IGSF11: variants seen among roughly 807,000 people sequenced by gnomAD.
IGSF11 encodes the protein immunoglobulin superfamily member 11.
IGSF11 carries 22 observed loss-of-function variants against 41.0 expected under a neutral mutation model. The observed-to-expected ratio is 0.54, with a 90% CI of 0.38 to 0.77. IGSF11 has a LOEUF of 0.77. Ranked by LOEUF, IGSF11 falls within the 30% of genes least tolerant of loss-of-function variation. The probability of loss-of-function intolerance (pLI) is 0.00; values close to 1 mark genes in which losing one functional copy is unlikely to be tolerated. For missense variants in IGSF11, 444 were observed against 530.8 expected (o/e 0.84, Z 1.61); for synonymous variants, 219 against 201.3 (o/e 1.09, Z -0.74).
intron 1 of IGSF11, among the ~76,000 whole-genome samples, chr3:119,050,278 A>T (rs1157346481): frequency 6.6e-6 from 1 of 151,550 alleles, no homozygotes; most frequent in East Asian, 1.9e-4. Context: ...TCCAGAACCT[A>T]CAATGAACTC....
intron 1 of IGSF11, among the ~76,000 whole-genome samples, chr3:119,138,600 G>A (rs541009424): frequency 7.9e-5 from 12 of 152,244 alleles, no homozygotes; most frequent in South Asian, 2.1e-4. Context: ...CCTGAGAATC[G>A]CTTGAACCTA....
intron 1 of IGSF11, among the ~76,000 whole-genome samples, chr3:119,013,666 C>A (rs938581310): frequency 2.0e-5 from 3 of 152,178 alleles, no homozygotes; most frequent in Admixed American, 6.5e-5. Context: ...AATTTATAGA[C>A]ACATATTCAT....
rs981541161 is a variant in IGSF11, at chr3:118,989,606, G to A, written c.52+44925C>T. Among the ~76,000 whole-genome samples, 10 of 151,924 alleles carry A rather than the reference G, an allele frequency of 6.6e-5. No homozygotes were observed. In the East Asian group the frequency reaches 7.7e-4, roughly 12 times the overall value. ...CCTGACCTCGTGATCTGCCCGCCTC[G>A]GCCTCCCAAACTGCTGAGATTACAG... On this transcript the variant is annotated intron_variant, in intron 1 of 6. Coordinates refer to ENST00000393775, the MANE Select transcript of IGSF11 (RefSeq NM_001015887.3).
rs1287824374 is a variant in IGSF11, at chr3:119,040,720, C to T, written c.49+64424G>A. The stretch of plus-strand genomic sequence containing the variant: ...TGAATTCTCAGTGTCTTTAACAGAT[C>T]ATGACACATGTAGATACTGAATAAA... On this transcript the variant is annotated intron_variant, in intron 1 of 6. Transcript: ENST00000354673. 4.6e-5 allele frequency among the ~76,000 whole-genome samples: 7 copies of T among 152,146 alleles called. No individual in the cohort carries two copies. The South Asian group carries it at 1.2e-3, about 27-fold the overall frequency.
At chr3:119,129,809 A>T (rs1053847919) in intron 1 of IGSF11, among the ~76,000 whole-genome samples, 3 of 152,218 alleles carry the variant, frequency 2.0e-5, no homozygotes, top group African/African-American at 7.2e-5. Context: ...ATATAGTGAG[A>T]CACTGTCTCT....
At chr3:118,998,472 T>TG (rs11429630) in intron 1 of IGSF11, among the ~76,000 whole-genome samples, 4,613 of 151,410 alleles carry the variant, frequency 0.03, 135 homozygotes, top group African/African-American at 0.071. Flanking sequence ...CAAAATCCAT[T>TG]GGGGGGGAAA....
chr3:119,015,592 G>C (rs1357269500), intron 1 of IGSF11, among the ~76,000 whole-genome samples: 1 of 152,010 alleles, frequency 6.6e-6, no homozygotes, highest in Non-Finnish European at 1.5e-5. Context: ...AGGAACTTGA[G>C]AAAAAACAAT....
chr3:119,079,936 C>A (rs749915350), intron 1 of IGSF11, among the ~76,000 whole-genome samples: 1 of 152,098 alleles, frequency 6.6e-6, no homozygotes, highest in Non-Finnish European at 1.5e-5. Flanking sequence ...TCGGGTACTA[C>A]GCTCACTACC....
intron 1 of IGSF11, among the ~76,000 whole-genome samples, chr3:119,063,876 C>T (rs548006574): frequency 1.3e-5 from 2 of 152,298 alleles, no homozygotes; most frequent in Admixed American, 6.5e-5. Flanking sequence ...TCTTCACTTG[C>T]TCTGTAATAT....
intron 1 of IGSF11, among the ~76,000 whole-genome samples, chr3:119,078,750 A>C (rs2076542248): frequency 6.6e-6 from 1 of 152,214 alleles, no homozygotes; most frequent in Admixed American, 6.5e-5. Context: ...TCTGCAAAGC[A>C]AACAAAACTA....
chr3:118,933,612 A>G (rs1254891285), intron 1 of IGSF11, among the ~76,000 whole-genome samples: 1 of 152,120 alleles, frequency 6.6e-6, no homozygotes, highest in Non-Finnish European at 1.5e-5. Context: ...AAGGTCGCAC[A>G]GTCGCAAAGC....
chr3:119,034,645 G>C lies in IGSF11; in HGVS notation c.-63C>G. 1 of 1,499,184 alleles carries C rather than the reference G, an allele frequency of 6.7e-7. No homozygotes were observed. The highest frequency in any genetic ancestry group is 1.3e-5 in the South Asian group (1 of 77,004). 92.9% of individuals were successfully genotyped at this position (1,499,184 alleles called of 1,614,324 possible). A position where few individuals can be genotyped will look rare whatever the true frequency, so the allele number is the denominator to read the frequency against. ...CTCCCGGTCGCAACAGGAGAGGAGCGGGCGTGAGTCTCCGCGCTCTTGGGG... is the reference window on the plus strand; with the variant it reads ...CTCCCGGTCGCAACAGGAGAGGAGCCGGCGTGAGTCTCCGCGCTCTTGGGG... On this transcript the variant is annotated 5_prime_UTR_variant, in exon 1 of 7. Coordinates refer to ENST00000393775, the MANE Select transcript of IGSF11 (RefSeq NM_001015887.3).
intron 4 of IGSF11, among the ~76,000 whole-genome samples, chr3:118,925,579 C>A (rs1942217608): frequency 6.6e-6 from 1 of 152,062 alleles, no homozygotes; most frequent in African/African-American, 2.4e-5. Context: ...AGAAATCATC[C>A]ATGACCCTCA....
chr3:118,902,916 G>A lies in IGSF11; in HGVS notation c.900C>T (p.His300=). 1.2e-6 allele frequency: 2 copies of A among 1,614,140 alleles called. No individual in the cohort carries two copies. The highest frequency in any genetic ancestry group is 1.1e-5 in the South Asian group (1 of 91,082). ...TGTTGTCCGAGGAGGAAATCTCAGT[G>A]TGAAATGCTTTGGCAGAAGAACACT... ...PPKCSSAKAF[H]TEISSSDNNT... The change falls in exon 7 of 7, where the codon CAC becomes CAT. Residue 300 remains histidine, a synonymous_variant. Coordinates refer to ENST00000393775, the MANE Select transcript of IGSF11 (RefSeq NM_001015887.3).
intron 1 of IGSF11, among the ~76,000 whole-genome samples, chr3:119,005,881 C>T (rs1042268717): frequency 1.5e-5 from 2 of 134,096 alleles, no homozygotes; most frequent in Non-Finnish European, 3.1e-5. Context: ...ACCTTTCTCT[C>T]TGGCTGCCCT....
intron 4 of IGSF11, among the ~76,000 whole-genome samples, chr3:118,912,300 A>T (rs1039058494): frequency 5.9e-5 from 9 of 152,152 alleles, no homozygotes; most frequent in Non-Finnish European, 1.3e-4. Flanking sequence ...TGTGAGAAAC[A>T]ACTGTGCTTA....
intron 1 of IGSF11, among the ~76,000 whole-genome samples, chr3:119,021,010 G>A (rs1333226351): frequency 1.3e-5 from 2 of 152,108 alleles, no homozygotes; most frequent in African/African-American, 2.4e-5. Flanking sequence ...CAGTTTGTTA[G>A]AAAATGAAAT....
At position 119,034,761 on chromosome 3, in the gene IGSF11, A is replaced by G; in HGVS notation, c.-179T>C. 1 of 1,313,776 alleles carries G rather than the reference A, an allele frequency of 7.6e-7. No individual in the cohort carries two copies. Among genetic ancestry groups the G allele is most frequent in the East Asian group, 3.1e-5 (1 of 32,444 alleles). 81.4% of individuals were successfully genotyped at this position (1,313,776 alleles called of 1,614,324 possible). A position where few individuals can be genotyped will look rare whatever the true frequency, so the allele number is the denominator to read the frequency against. ...CCACAGACGAGCCAAGTGCAGCTGC[A>G]GCGCCGCCCGGCTCCGCGGACGCTG... On this transcript the variant is annotated 5_prime_UTR_variant, in exon 1 of 7. Coordinates refer to ENST00000393775, the MANE Select transcript of IGSF11 (RefSeq NM_001015887.3).
At chr3:119,034,851 G>C (rs755662661), upstream of IGSF11, 7 of 1,219,308 alleles carry the variant, frequency 5.7e-6, no homozygotes, top group East Asian at 1.3e-4. Context: ...AGGACTAGCC[G>C]ACCCCTCGCG....
Sources: gnomAD v4.1 joint callset for allele counts (sites outside exome capture counted in the v4.1 genomes callset) on GRCh38, gnomAD v4.1.1 for gene constraint, MANE v1.5 for transcripts, NCBI Gene and HGNC (gene_info 2026-07-23, HGNC 2026-07-21) for gene names.